PPFIBP2: variants seen among roughly 807,000 people sequenced by gnomAD.
PPFIBP2 encodes the protein PPFIB scaffold protein 2.
Under a neutral mutation model 118.3 loss-of-function variants are expected in PPFIBP2, and 118 were observed. The ratio of observed to expected loss-of-function variants is 1.00; its 90% CI spans 0.86 to 1.16. The LOEUF is 1.16. PPFIBP2 is among the 50% of genes most tolerant of loss of function. The pLI is 0.00. For synonymous variants in PPFIBP2, 414 were observed against 397.4 expected (o/e 1.04, Z -0.50); for missense variants, 1,195 against 1,073.1 (o/e 1.11, Z -1.59).
At chr11:7,538,806 C>T (rs1851478991) in intron 1 of PPFIBP2, among the ~76,000 whole-genome samples, 1 of 152,150 alleles carries the variant, frequency 6.6e-6, no homozygotes, top group Non-Finnish European at 1.5e-5. Context: ...TCCCCTGCCA[C>T]CACCCAGCAC....
intron 3 of PPFIBP2, among the ~76,000 whole-genome samples, chr11:7,569,829 G>A (rs187887893): frequency 6.6e-5 from 10 of 152,328 alleles, no homozygotes. Context: ...ACAGAGCTGA[G>A]TTCTAGAAAA....
At chr11:7,626,014 C>A in intron 8 of PPFIBP2, 123 bp downstream of exon 8, 1 of 801,064 alleles carries the variant, frequency 1.2e-6, no homozygotes, top group Non-Finnish European at 2.0e-6. Flanking sequence ...TGCTAATGGA[C>A]ATGCATGTAT....
At chr11:7,613,002 T>C (rs1319535111) in intron 6 of PPFIBP2, among the ~76,000 whole-genome samples, 1 of 152,234 alleles carries the variant, frequency 6.6e-6, no homozygotes, top group Admixed American at 6.5e-5. Context: ...AAGGGAACGC[T>C]GCTTCCCATA....
chr11:7,623,641 G>C (rs1244312812), intron 7 of PPFIBP2, among the ~76,000 whole-genome samples: 1 of 152,204 alleles, frequency 6.6e-6, no homozygotes, highest in Non-Finnish European at 1.5e-5. Flanking sequence ...CCACGTGCTA[G>C]ATTCTCTCTT....
intron 1 of PPFIBP2, among the ~76,000 whole-genome samples, chr11:7,521,323 G>A (rs1849741259): frequency 6.6e-6 from 1 of 152,178 alleles, no homozygotes; most frequent in South Asian, 2.1e-4. Context: ...TCTCTGATAG[G>A]ATAAAATACA....
intron 7 of PPFIBP2, among the ~76,000 whole-genome samples, chr11:7,624,819 A>C (rs1346800822): frequency 6.6e-6 from 1 of 152,244 alleles, no homozygotes; most frequent in Non-Finnish European, 1.5e-5. Context: ...AGTCCCATGA[A>C]GTAGGTGTAG....
the PPFIBP2 span, chr11:7,665,994 G>C: frequency 2.3e-6 from 3 of 1,297,350 alleles, no homozygotes; most frequent in Non-Finnish European, 3.2e-6. Context: ...CCTGTGGGGT[G>C]CTCTGTGCAC....
intron 12 of PPFIBP2, among the ~76,000 whole-genome samples, 170 bp downstream of exon 12, chr11:7,633,104 A>G (rs1212114049): frequency 6.6e-6 from 1 of 152,210 alleles, no homozygotes; most frequent in African/African-American, 2.4e-5. Flanking sequence ...TTTTGGCCAC[A>G]GAAGGGCTTC....
intron 1 of PPFIBP2, among the ~76,000 whole-genome samples, chr11:7,535,642 G>A (rs1298796698): frequency 6.6e-6 from 1 of 152,186 alleles, no homozygotes; most frequent in Non-Finnish European, 1.5e-5. Context: ...ATAAATGGCA[G>A]CCATTATAAC....
At chr11:7,553,689 G>T (rs1481982505) in intron 2 of PPFIBP2, among the ~76,000 whole-genome samples, 1 of 152,252 alleles carries the variant, frequency 6.6e-6, no homozygotes, top group Admixed American at 6.5e-5. Context: ...TTATTGTGAG[G>T]GTTGAATTAA....
chr11:7,635,251 G>C (rs1851303740), intron 13 of PPFIBP2, among the ~76,000 whole-genome samples: 1 of 152,180 alleles, frequency 6.6e-6, no homozygotes, highest in African/African-American at 2.4e-5. Context: ...TGTTGATACA[G>C]TGGAGAACCA....
At chr11:7,638,264 C>G (rs1851699415) in intron 14 of PPFIBP2, among the ~76,000 whole-genome samples, 1 of 152,222 alleles carries the variant, frequency 6.6e-6, no homozygotes, top group African/African-American at 2.4e-5. Context: ...GGCACATGAA[C>G]TACCACTTGG....
chr11:7,650,766 G>A (rs998309301), intron 21 of PPFIBP2, 74 bp from the exon 22 acceptor site: 285 of 1,522,536 alleles, frequency 1.9e-4, no homozygotes, highest in East Asian at 2.5e-4. Flanking sequence ...GTTACTTACC[G>A]GGGCTGACTC....
At chr11:7,654,520 T>G (rs1854508191), downstream of PPFIBP2, among the ~76,000 whole-genome samples, 1 of 152,230 alleles carries the variant, frequency 6.6e-6, no homozygotes, top group Non-Finnish European at 1.5e-5. Context: ...AAGATTTGCT[T>G]CTTAAACTAC....
chr11:7,648,006 T>C (rs1853370217), intron 17 of PPFIBP2: 1 of 157,582 alleles, frequency 6.3e-6, no homozygotes, highest in African/African-American at 2.4e-5. Flanking sequence ...CTAAGAAAAG[T>C]AGTTTTCTAA....
At chr11:7,520,280 C>T (rs4078279) in intron 1 of PPFIBP2, among the ~76,000 whole-genome samples, 89,184 of 151,944 alleles carry the variant, frequency 0.59, 26,712 homozygotes, top group African/African-American at 0.67. Flanking sequence ...GGTACCCAGA[C>T]GGCCTCCCTT....
chr11:7,584,693 C>A (rs1857813584), intron 3 of PPFIBP2, among the ~76,000 whole-genome samples: 2 of 152,188 alleles, frequency 1.3e-5, no homozygotes. Context: ...AACCAGAGTC[C>A]TGTAACAGGA....
chr11:7,520,922 G>T (rs1041735523), intron 1 of PPFIBP2, among the ~76,000 whole-genome samples: 2 of 152,168 alleles, frequency 1.3e-5, no homozygotes, highest in Non-Finnish European at 1.5e-5. Flanking sequence ...GCCAAGTCTT[G>T]TTTGACTGTG....
chr11:7,651,465 CATGTGCTAGT>C lies in PPFIBP2; in HGVS notation c.2248-183_2248-174del, dbSNP rs1226610190. On this transcript the variant is annotated intron_variant, in intron 22 of 23. Transcript: ENST00000299492. Reference sequence around the variant, plus strand: ...GTGAAAACAAGGTGGTCAGTCAGCACATGTGCTAGTATGTGCTCAGAGCCAGGCCCTGTGC... The same window carrying C: ...GTGAAAACAAGGTGGTCAGTCAGCACATGTGCTCAGAGCCAGGCCCTGTGC... 6 of 534,524 alleles carry C rather than the reference CATGTGCTAGT, an allele frequency of 1.1e-5. No individual in the cohort carries two copies. The Admixed American group carries it at 1.6e-4, about 14-fold the overall frequency. 33.1% of individuals were successfully genotyped at this position (534,524 alleles called of 1,614,324 possible).
Sources: gnomAD v4.1 joint callset for allele counts (sites outside exome capture counted in the v4.1 genomes callset) on GRCh38, gnomAD v4.1.1 for gene constraint, MANE v1.5 for transcripts, NCBI Gene and HGNC (gene_info 2026-07-23, HGNC 2026-07-21) for gene names.